ASIC2: variants seen among roughly 807,000 people sequenced by gnomAD.
ASIC2 encodes acid sensing ion channel subunit 2.
ASIC2 carries 25 observed loss-of-function variants against 57.3 expected under a neutral mutation model. That is an observed-to-expected ratio of 0.44 (90% CI 0.32 to 0.61). The LOEUF (loss-of-function observed/expected upper bound fraction) is 0.61. Among genes scored for constraint, ASIC2 ranks in the 20% least tolerant of loss-of-function variants. The pLI, the probability that ASIC2 is intolerant of heterozygous loss-of-function variation, is 0.06. For missense variants in ASIC2, 641 were observed against 738.1 expected, an observed-to-expected ratio of 0.87 and a Z score of 1.52; for synonymous variants, 319 against 307.5, an observed-to-expected ratio of 1.04 and a Z score of -0.39.
rs916623212 is a variant in ASIC2 at position 33,575,003 on chromosome 17, G to C, written c.556-462936C>G. On this transcript the variant is annotated intron_variant, in intron 1 of 9. Coordinates refer to the ASIC2 transcript ENST00000359872. ...CAGGTCTGTCTGTTTCAGCAGAGTG[G>C]AAAGAAGGTGGCACCAGGAGTGGGG... Among the ~76,000 whole-genome samples, 12 of 152,154 alleles carry C rather than the reference G, an allele frequency of 7.9e-5. 1 individual carries two copies. The highest frequency in any genetic ancestry group is 2.7e-4 in the African/African-American group (11 of 41,432).
chr17:33,899,681 G>A (rs1915188615), intron 1 of ASIC2, among the ~76,000 whole-genome samples: 2 of 152,210 alleles, frequency 1.3e-5, no homozygotes, highest in Non-Finnish European at 1.5e-5. Flanking sequence ...GATACACAAA[G>A]GGACCATTTT....
chr17:33,747,214 C>G (rs1166830514), intron 1 of ASIC2, among the ~76,000 whole-genome samples: 2 of 150,572 alleles, frequency 1.3e-5, no homozygotes, highest in African/African-American at 4.9e-5. Context: ...TTGCTCCCAT[C>G]CAGCCGTCTT....
chr17:33,185,495 G>A (rs1015548901), intron 1 of ASIC2, among the ~76,000 whole-genome samples: 4 of 152,252 alleles, frequency 2.6e-5, no homozygotes, highest in Admixed American at 6.5e-5. Context: ...CAAACAAATC[G>A]TAGGTGAGCC....
At chr17:33,118,136 A>G (rs752320873) in intron 1 of ASIC2, among the ~76,000 whole-genome samples, 4 of 152,212 alleles carry the variant, frequency 2.6e-5, no homozygotes, top group East Asian at 3.8e-4. Context: ...GTAACTAGCT[A>G]TTGATACAGT....
chr17:33,096,528 C>T (rs1186088544), intron 2 of ASIC2, among the ~76,000 whole-genome samples: 1 of 152,238 alleles, frequency 6.6e-6, no homozygotes, highest in Non-Finnish European at 1.5e-5. Flanking sequence ...TCTCCAGAGT[C>T]CTCGGACACC....
At chr17:33,082,465 G>A (rs1051691280) in intron 3 of ASIC2, among the ~76,000 whole-genome samples, 2 of 152,168 alleles carry the variant, frequency 1.3e-5, no homozygotes, top group Non-Finnish European at 2.9e-5. Flanking sequence ...TTGGAAGGCA[G>A]AGGTGGGTGG....
chr17:33,666,679 A>AC (rs912528154), intron 1 of ASIC2, among the ~76,000 whole-genome samples: 11 of 151,998 alleles, frequency 7.2e-5, no homozygotes, highest in African/African-American at 2.7e-4. Context: ...TTATGCTGTC[A>AC]CCCCCTGCCC....
intron 1 of ASIC2, among the ~76,000 whole-genome samples, chr17:33,231,699 T>G (rs1289249732): frequency 1.3e-5 from 2 of 152,044 alleles, no homozygotes; most frequent in Non-Finnish European, 2.9e-5. Context: ...CCTGACCCCA[T>G]TATTTCTCAG....
chr17:33,466,435 G>A (rs573341141), intron 1 of ASIC2, among the ~76,000 whole-genome samples: 6 of 151,958 alleles, frequency 3.9e-5, no homozygotes, highest in Non-Finnish European at 5.9e-5. Flanking sequence ...TTATAGATTC[G>A]ATGCCATCCC....
At position 33,970,675 on chromosome 17, in the gene ASIC2, G is replaced by A. The variant is rs1297475382; in HGVS notation, c.555+185303C>T. On this transcript the variant is annotated intron_variant, in intron 1 of 9. Coordinates refer to the ASIC2 transcript ENST00000359872. ...AGATTTAAGGCTAACTCAACAAGGA[G>A]TTTTTGTGAAGAGTTGTAAGCACTC... Among the ~76,000 whole-genome samples the A allele has an allele frequency of 2.0e-5, 3 of 152,192 alleles. No individual in the cohort carries two copies. The East Asian group carries it at 5.8e-4, about 29-fold the overall frequency.
intron 1 of ASIC2, among the ~76,000 whole-genome samples, chr17:34,100,181 CTTGT>C (rs375140049): frequency 0.25 from 26,254 of 106,038 alleles, 2,867 homozygotes; most frequent in African/African-American, 0.39. Context: ...TCCTCTCTTT[CTTGT>C]TTTTTTTTTT....
At chr17:33,741,541 G>C (rs910363409) in intron 1 of ASIC2, among the ~76,000 whole-genome samples, 2 of 152,216 alleles carry the variant, frequency 1.3e-5, no homozygotes, top group African/African-American at 2.4e-5. Flanking sequence ...GAGATTCCAA[G>C]GGGGCATAAA....
intron 1 of ASIC2, among the ~76,000 whole-genome samples, chr17:33,246,613 G>A (rs960681431): frequency 6.6e-6 from 1 of 152,184 alleles, no homozygotes; most frequent in Non-Finnish European, 1.5e-5. Flanking sequence ...GAGGAAATAA[G>A]GAATCCCTCC....
At chr17:33,199,841 T>C (rs1906785683) in intron 1 of ASIC2, among the ~76,000 whole-genome samples, 1 of 152,144 alleles carries the variant, frequency 6.6e-6, no homozygotes. Flanking sequence ...AACTTGATCA[T>C]GACATTCACA....
chr17:33,424,895 G>A (rs901589632), intron 1 of ASIC2, among the ~76,000 whole-genome samples: 3 of 152,190 alleles, frequency 2.0e-5, no homozygotes, highest in African/African-American at 7.2e-5. Flanking sequence ...CAACCTGGGA[G>A]CCACTTGCAC....
intron 1 of ASIC2, among the ~76,000 whole-genome samples, chr17:33,496,167 G>A (rs1913923802): frequency 6.6e-6 from 1 of 152,224 alleles, no homozygotes; most frequent in South Asian, 2.1e-4. Flanking sequence ...CAGAAGAACA[G>A]AAAGCCATGG....
chr17:33,708,284 C>A (rs1049086090), intron 1 of ASIC2, among the ~76,000 whole-genome samples: 1 of 152,258 alleles, frequency 6.6e-6, no homozygotes, highest in African/African-American at 2.4e-5. Context: ...ACCCACCCAG[C>A]AACCTTATGG....
chr17:33,856,443 A>T (rs201438762), intron 1 of ASIC2, among the ~76,000 whole-genome samples: 3 of 28,018 alleles, frequency 1.1e-4, no homozygotes, highest in Non-Finnish European at 1.7e-4. Context: ...TGAGGGTGGT[A>T]GTAGTAGTAA....
At chr17:33,865,066 G>C (rs139431590) in intron 1 of ASIC2, among the ~76,000 whole-genome samples, 1 of 152,286 alleles carries the variant, frequency 6.6e-6, no homozygotes, top group East Asian at 1.9e-4. Context: ...ATGTATCCAG[G>C]GTGGAGGAGC....
Sources: gnomAD v4.1 joint callset for allele counts (sites outside exome capture counted in the v4.1 genomes callset) on GRCh38, gnomAD v4.1.1 for gene constraint, MANE v1.5 for transcripts, NCBI Gene and HGNC (gene_info 2026-07-23, HGNC 2026-07-21) for gene names.